Variants in TTC8 observed in about 807,000 individuals in gnomAD.
TTC8 encodes the protein tetratricopeptide repeat domain 8, also known as tetratricopeptide repeat protein 8.
Under a neutral mutation model 72.5 loss-of-function variants are expected in TTC8, and 47 were observed. The observed-to-expected ratio is 0.65, with a 90% confidence interval of 0.51 to 0.83. The LOEUF is 0.83. TTC8 is among the 40% of genes least tolerant of loss of function. The pLI, the probability that TTC8 is intolerant of heterozygous loss-of-function variation, is 0.00. For synonymous variants in TTC8, 199 were observed against 221.4 expected (o/e 0.90, Z 0.90); for missense variants, 611 against 623.2 (o/e 0.98, Z 0.21).
intron 8 of TTC8, among the ~76,000 whole-genome samples, chr14:88,854,273 A>G (rs1251101375): frequency 6.6e-6 from 1 of 152,214 alleles, no homozygotes; most frequent in Non-Finnish European, 1.5e-5. Context: ...TCCATATACG[A>G]TGGCATTTAA....
chr14:88,847,713 A>G (rs188183334), intron 7 of TTC8, among the ~76,000 whole-genome samples: 10 of 152,326 alleles, frequency 6.6e-5, no homozygotes, highest in Admixed American at 5.9e-4. Context: ...TTACTGATGC[A>G]TATGTGTAAT....
Position 88,877,637 on chromosome 14 carries a change from A to G in TTC8, c.*227A>G. ...TAAAATACAGGATTTAAACCTTTCT[A>G]AATAGATCCTGAAACTGTCTCTCAC... On this transcript the variant is annotated 3_prime_UTR_variant, in exon 15 of 15. Coordinates refer to ENST00000380656, the MANE Select transcript of TTC8 (RefSeq NM_144596.4). 1 of 390,174 alleles carries G rather than the reference A, an allele frequency of 2.6e-6. No homozygotes were observed. Among genetic ancestry groups the G allele is most frequent in the South Asian group, 3.7e-5 (1 of 26,918 alleles). The allele number at this position is 390,174 out of a possible 1,614,324, so 24.2% of individuals were successfully genotyped here. A position where few individuals can be genotyped will look rare whatever the true frequency, so the allele number is the denominator to read the frequency against.
intron 7 of TTC8, chr14:88,846,836 T>C (rs1390805413): frequency 4.9e-6 from 2 of 408,400 alleles, no homozygotes; most frequent in African/African-American, 4.1e-5. Context: ...TTAAACTTTT[T>C]ATTTTAAGCA....
downstream of TTC8, chr14:88,879,018 A>ATG (rs1566865114): frequency 6.6e-6 from 1 of 152,204 alleles, no homozygotes; most frequent in African/African-American, 2.4e-5. Context: ...GCTGTAAATA[A>ATG]ATCTACTACC....
chr14:88,826,048 C>G (rs1247246553), intron 1 of TTC8, among the ~76,000 whole-genome samples: 1 of 151,658 alleles, frequency 6.6e-6, no homozygotes, highest in Non-Finnish European at 1.5e-5. Flanking sequence ...AGTGGCACGG[C>G]GCGATCTCGG....
chr14:88,863,277 A>G (rs972637698), intron 10 of TTC8, among the ~76,000 whole-genome samples: 1 of 152,206 alleles, frequency 6.6e-6, no homozygotes, highest in African/African-American at 2.4e-5. Flanking sequence ...ACTCACTGCT[A>G]TGATTTATTT....
intron 2 of TTC8, among the ~76,000 whole-genome samples, chr14:88,836,473 A>G (rs1178199541): frequency 1.3e-5 from 2 of 149,480 alleles, no homozygotes; most frequent in Non-Finnish European, 3.0e-5. Flanking sequence ...CCTGGGAGAT[A>G]GAGTGAGAGC....
chr14:88,831,450 C>A (rs1218981886), intron 1 of TTC8, among the ~76,000 whole-genome samples: 1 of 152,170 alleles, frequency 6.6e-6, no homozygotes, highest in East Asian at 1.9e-4. Context: ...GCAGTACCAG[C>A]CAATAAAGGA....
chr14:88,846,541 A>G, intron 7 of TTC8: 1 of 913,718 alleles, frequency 1.1e-6, no homozygotes, highest in Non-Finnish European at 1.6e-6. Flanking sequence ...TGAGTTTAGA[A>G]GCTAGGCAGA....
chr14:88,831,722 A>G (rs1349410736), intron 1 of TTC8, among the ~76,000 whole-genome samples: 1 of 152,240 alleles, frequency 6.6e-6, no homozygotes, highest in African/African-American at 2.4e-5. Context: ...TATCATCTAT[A>G]TTTTTCTTAA....
chr14:88,866,080 C>A (rs558788039), intron 10 of TTC8, among the ~76,000 whole-genome samples: 1 of 151,698 alleles, frequency 6.6e-6, no homozygotes, highest in South Asian at 2.1e-4. Flanking sequence ...AAAATGATAC[C>A]CTGAAAGTTC....
At chr14:88,873,693 T>C (rs2094944941) in intron 13 of TTC8, among the ~76,000 whole-genome samples, 1 of 152,218 alleles carries the variant, frequency 6.6e-6, no homozygotes, top group Non-Finnish European at 1.5e-5. Context: ...ATGGAGCACA[T>C]GGTAGATGCT....
At chr14:88,835,634 C>T (rs1044665560) in intron 2 of TTC8, among the ~76,000 whole-genome samples, 3 of 152,016 alleles carry the variant, frequency 2.0e-5, no homozygotes, top group Non-Finnish European at 2.9e-5. Context: ...AACTGTGTGA[C>T]CCTCCCATTT....
At chr14:88,830,790 C>T (rs1248243511) in intron 1 of TTC8, 16 of 450,746 alleles carry the variant, frequency 3.5e-5, no homozygotes, top group Non-Finnish European at 4.0e-5. Context: ...CAACTGAGAG[C>T]GACCCAAAGA....
At chr14:88,852,572 G>A (rs1210555355) in intron 7 of TTC8, among the ~76,000 whole-genome samples, 1 of 152,134 alleles carries the variant, frequency 6.6e-6, no homozygotes, top group Non-Finnish European at 1.5e-5. Flanking sequence ...AGTGGGCACT[G>A]CCACTGGATC....
chr14:88,859,184 G>C (rs986645768), intron 9 of TTC8, among the ~76,000 whole-genome samples: 23 of 152,046 alleles, frequency 1.5e-4, no homozygotes, highest in African/African-American at 5.6e-4. Context: ...AGATCAAGCA[G>C]ATTTTTGTTC....
At chr14:88,854,631 A>G (rs960089705) in intron 8 of TTC8, among the ~76,000 whole-genome samples, 1 of 152,210 alleles carries the variant, frequency 6.6e-6, no homozygotes, top group Non-Finnish European at 1.5e-5. Flanking sequence ...AAATTCATAT[A>G]TGTTTCATAT....
chr14:88,844,900 A>G (rs2094798966), intron 7 of TTC8, among the ~76,000 whole-genome samples: 1 of 152,122 alleles, frequency 6.6e-6, no homozygotes. Context: ...CACTAGGAGA[A>G]CTAATAAAAA....
intron 9 of TTC8, among the ~76,000 whole-genome samples, chr14:88,858,754 ATTTT>A (rs138871136): frequency 0.21 from 17,936 of 86,036 alleles, 1,579 homozygotes; most frequent in East Asian, 0.27. Context: ...TGCCTGGATA[ATTTT>A]TTTTTTTTTT....
Sources: gnomAD v4.1 joint callset for allele counts (sites outside exome capture counted in the v4.1 genomes callset) on GRCh38, gnomAD v4.1.1 for gene constraint, MANE v1.5 for transcripts, NCBI Gene and HGNC (gene_info 2026-07-23, HGNC 2026-07-21) for gene names.